Variants in TSPEAR observed in about 807,000 individuals in gnomAD.
TSPEAR encodes thrombospondin-type laminin G domain and EAR repeat-containing protein.
In TSPEAR, 69 loss-of-function variants were observed where a neutral mutation model predicts 71.6. The ratio of observed to expected loss-of-function variants is 0.96; its 90% CI spans 0.79 to 1.18. The LOEUF (loss-of-function observed/expected upper bound fraction) is 1.18, where lower values mean the gene tolerates loss of function less well. TSPEAR is among the 50% of genes most tolerant of loss of function. The probability of loss-of-function intolerance (pLI) is 0.00; values close to 1 mark genes in which losing one functional copy is unlikely to be tolerated. For missense variants in TSPEAR, 971 were observed against 894.9 expected, an observed-to-expected ratio of 1.09 and a Z score of -1.09; for synonymous variants, 402 against 387.2, an observed-to-expected ratio of 1.04 and a Z score of -0.45.
intron 1 of TSPEAR, chr21:44,675,943 C>T (rs587610184): frequency 8.8e-5 from 72 of 816,512 alleles, no homozygotes; most frequent in African/African-American, 8.3e-4. Flanking sequence ...TTATCTGTTT[C>T]GTTTCTAGGG....
intron 1 of TSPEAR, chr21:44,681,650 G>T (rs1300179750): frequency 1.3e-6 from 1 of 776,686 alleles, no homozygotes; most frequent in African/African-American, 1.7e-5. Context: ...CTTCCCTGGG[G>T]GGATAGGCAA....
chr21:44,602,038 A>C, intron 1 of TSPEAR: 4 of 486,442 alleles, frequency 8.2e-6, no homozygotes, highest in South Asian at 2.8e-5. Flanking sequence ...ACAGGTACCA[A>C]CTGGGTTTCT....
At chr21:44,548,156 T>C (rs587639746) in intron 2 of TSPEAR, among the ~76,000 whole-genome samples, 12 of 152,330 alleles carry the variant, frequency 7.9e-5, no homozygotes, top group African/African-American at 2.6e-4. Context: ...TGTGTGTTAG[T>C]CCTTCAGGGA....
intron 1 of TSPEAR, among the ~76,000 whole-genome samples, chr21:44,688,996 G>T (rs561204991): frequency 6.6e-6 from 1 of 152,078 alleles, no homozygotes; most frequent in Non-Finnish European, 1.5e-5. Context: ...ATGGACCTGC[G>T]CCCCGAGCAT....
rs587654915 is a variant in TSPEAR at position 44,646,569 on chromosome 21, C to T, written c.82+64864G>A. 1.3e-4 allele frequency: 205 copies of T among 1,612,386 alleles called. No homozygotes were observed. In the South Asian group the frequency reaches 1.7e-3, roughly 13 times the overall value. ...CCCCCTGCAGCGCCCCCAGCTGCTG[C>T]GCCCCGGCCCCCTCCCTGAGCCTGG... is the stretch of plus-strand genomic sequence containing the variant. On this transcript the variant is annotated intron_variant, in intron 1 of 11. Coordinates refer to ENST00000323084, the MANE Select transcript of TSPEAR (RefSeq NM_144991.3).
intron 2 of TSPEAR, among the ~76,000 whole-genome samples, chr21:44,566,813 A>C (rs2053709305): frequency 6.6e-6 from 1 of 152,228 alleles, no homozygotes; most frequent in Non-Finnish European, 1.5e-5. Flanking sequence ...ATATCTATAT[A>C]CAAAAGAACA....
intron 1 of TSPEAR, chr21:44,697,572 G>T (rs781902623): frequency 4.3e-6 from 7 of 1,613,280 alleles, no homozygotes; most frequent in Non-Finnish European, 5.1e-6. Flanking sequence ...ATGCCCGTCT[G>T]CTGTGGGCCT....
At chr21:44,501,698 C>G (rs1555911107) in intron 11 of TSPEAR, among the ~76,000 whole-genome samples, 1 of 152,142 alleles carries the variant, frequency 6.6e-6, no homozygotes, top group Admixed American at 6.5e-5. Context: ...CTGGGAATTT[C>G]AGCCTGCAAT....
intron 1 of TSPEAR, among the ~76,000 whole-genome samples, chr21:44,613,634 G>A (rs1981872059): frequency 6.6e-6 from 1 of 152,166 alleles, no homozygotes; most frequent in Non-Finnish European, 1.5e-5. Context: ...GAGAGGGAGG[G>A]GCTGCTGCAC....
intron 1 of TSPEAR, among the ~76,000 whole-genome samples, chr21:44,699,090 C>T (rs113561844): frequency 0.066 from 10,034 of 152,050 alleles, 456 homozygotes; most frequent in Non-Finnish European, 0.096. Context: ...ACCACCTACC[C>T]GGGAAGCGGA....
chr21:44,664,122 G>A (rs1269122583), intron 1 of TSPEAR, among the ~76,000 whole-genome samples: 7 of 152,112 alleles, frequency 4.6e-5, no homozygotes, highest in African/African-American at 1.2e-4. Flanking sequence ...TAAAAAGCAT[G>A]CAGCCTGGAA....
intron 1 of TSPEAR, among the ~76,000 whole-genome samples, chr21:44,664,582 C>G (rs1555944316): frequency 6.6e-6 from 1 of 152,112 alleles, no homozygotes; most frequent in Non-Finnish European, 1.5e-5. Context: ...TATGGAAAGA[C>G]AAAGAAACTA....
chr21:44,533,956 TG>T (rs2053030355), intron 2 of TSPEAR, 33 bp from the exon 3 acceptor site: 1 of 1,154,116 alleles, frequency 8.7e-7, no homozygotes, highest in Non-Finnish European at 1.2e-6. Context: ...AGGACGGGGC[TG>T]GGGGTAGGGG....
intron 2 of TSPEAR, among the ~76,000 whole-genome samples, chr21:44,541,170 G>A (rs1366122313): frequency 6.6e-6 from 1 of 152,032 alleles, no homozygotes; most frequent in African/African-American, 2.4e-5. Context: ...ATGTGAGCAG[G>A]GAGTGTGTTT....
chr21:44,553,836 C>A (rs1423947810), intron 2 of TSPEAR, among the ~76,000 whole-genome samples: 1 of 152,140 alleles, frequency 6.6e-6, no homozygotes, highest in Non-Finnish European at 1.5e-5. Context: ...GACCTCAGAC[C>A]CCTGTCCCAC....
chr21:44,550,000 C>T (rs587703152), intron 2 of TSPEAR, among the ~76,000 whole-genome samples: 112 of 151,676 alleles, frequency 7.4e-4, no homozygotes, highest in Admixed American at 4.0e-3. Context: ...CCAAGTCTCC[C>T]GCCGTGTCCC....
intron 1 of TSPEAR, among the ~76,000 whole-genome samples, chr21:44,578,233 A>C (rs902871987): frequency 1.3e-5 from 2 of 151,996 alleles, no homozygotes; most frequent in Non-Finnish European, 2.9e-5. Flanking sequence ...TAGATATTTA[A>C]AGGAAACCAA....
chr21:44,582,522 C>T (rs1046627523), intron 1 of TSPEAR, among the ~76,000 whole-genome samples: 1 of 152,206 alleles, frequency 6.6e-6, no homozygotes, highest in Non-Finnish European at 1.5e-5. Context: ...CCTCCTTAAT[C>T]GAATGGGTGT....
chr21:44,588,930 C>T lies in TSPEAR; in HGVS notation c.83-20925G>A, dbSNP rs587606855. On this transcript the variant is annotated intron_variant, in intron 1 of 11. Coordinates refer to ENST00000323084, the MANE Select transcript of TSPEAR (RefSeq NM_144991.3). Reference sequence around the variant, plus strand: ...AAACCAAACATCATATGTTCTCACTCATAAGTGGAAGCTAAGCTATGAGGA... The same window carrying T: ...AAACCAAACATCATATGTTCTCACTTATAAGTGGAAGCTAAGCTATGAGGA... Among the ~76,000 whole-genome samples the T allele has an allele frequency of 5.2e-3, 786 of 151,126 alleles. 9 individuals carry two copies. The highest frequency in any genetic ancestry group is 0.016 in the African/African-American group (661 of 40,914).
Sources: gnomAD v4.1 joint callset for allele counts (sites outside exome capture counted in the v4.1 genomes callset) on GRCh38, gnomAD v4.1.1 for gene constraint, MANE v1.5 for transcripts, NCBI Gene and HGNC (gene_info 2026-07-23, HGNC 2026-07-21) for gene names.